COX10: variants seen among roughly 807,000 people sequenced by gnomAD.
The protein encoded by COX10 is protoheme IX farnesyltransferase, mitochondrial.
In COX10, 27 loss-of-function variants were observed where a neutral mutation model predicts 37.3. That is an observed-to-expected ratio of 0.72 (90% CI 0.53 to 1.00). The LOEUF (loss-of-function observed/expected upper bound fraction) is 1.00. Ranked by LOEUF, COX10 falls within the 50% of genes least tolerant of loss-of-function variation. COX10 has a pLI of 0.00. For missense variants in COX10, 475 were observed against 563.2 expected (o/e 0.84, Z 1.59); for synonymous variants, 222 against 229.1 (o/e 0.97, Z 0.28).
At chr17:14,112,106 GAA>G (rs1475195748) in intron 4 of COX10, among the ~76,000 whole-genome samples, 1 of 152,062 alleles carries the variant, frequency 6.6e-6, no homozygotes, top group African/African-American at 2.4e-5. Flanking sequence ...TCCACAAGAG[GAA>G]AAATAGTTTA....
chr17:14,184,837 C>T (rs1179963126), intron 5 of COX10, among the ~76,000 whole-genome samples: 1 of 150,876 alleles, frequency 6.6e-6, no homozygotes, highest in Non-Finnish European at 1.5e-5. Context: ...GGACCAGCAT[C>T]ACATTGGTAA....
At chr17:14,161,535 C>G (rs577520575) in intron 5 of COX10, among the ~76,000 whole-genome samples, 4 of 152,116 alleles carry the variant, frequency 2.6e-5, no homozygotes, top group Non-Finnish European at 5.9e-5. Flanking sequence ...TTGGGTGTGT[C>G]TGTGAGGGTG....
chr17:14,112,828 C>T (rs1327629788), intron 4 of COX10, among the ~76,000 whole-genome samples: 1 of 152,106 alleles, frequency 6.6e-6, no homozygotes, highest in East Asian at 1.9e-4. Flanking sequence ...ATTTGGGGAA[C>T]TACAAACATT....
At chr17:14,088,173 C>T (rs1277570703) in intron 3 of COX10, among the ~76,000 whole-genome samples, 2 of 152,074 alleles carry the variant, frequency 1.3e-5, no homozygotes, top group African/African-American at 4.8e-5. Flanking sequence ...CATATTTATC[C>T]ATTCCTTATT....
At chr17:14,158,021 T>C (rs1232761759) in intron 4 of COX10, among the ~76,000 whole-genome samples, 1 of 152,114 alleles carries the variant, frequency 6.6e-6, no homozygotes, top group Non-Finnish European at 1.5e-5. Flanking sequence ...TACCTGACCA[T>C]TGGTTAAATG....
chr17:14,081,446 C>T (rs770615833), intron 3 of COX10, among the ~76,000 whole-genome samples: 13 of 152,182 alleles, frequency 8.5e-5, no homozygotes, highest in East Asian at 1.9e-4. Context: ...GCTGAGAGCG[C>T]GGAGCTGCAG....
At chr17:14,070,201 AG>A (rs1209605831) in intron 1 of COX10, among the ~76,000 whole-genome samples, 1 of 152,160 alleles carries the variant, frequency 6.6e-6, no homozygotes, top group Non-Finnish European at 1.5e-5. Context: ...TGTATATTGG[AG>A]CTGGAATGTT....
chr17:14,162,978 C>A (rs918240163), intron 5 of COX10, among the ~76,000 whole-genome samples: 1 of 152,188 alleles, frequency 6.6e-6, no homozygotes, highest in Non-Finnish European at 1.5e-5. Flanking sequence ...ACATCATTTG[C>A]CTGCATTGGC....
rs531796704 is a variant in COX10 at position 14,105,806 on chromosome 17, T to C, written c.624+3564T>C. On this transcript the variant is annotated intron_variant, in intron 4 of 6. Coordinates refer to ENST00000261643, the MANE Select transcript of COX10 (RefSeq NM_001303.4). ...TAGTGCCTATATCTCACCACCCAAA[T>C]AGATCCATTTGTTAACATTTTGATT... Among the ~76,000 whole-genome samples the C allele has an allele frequency of 5.3e-5, 8 of 152,220 alleles. No individual in the cohort carries two copies. The East Asian group carries it at 1.5e-3, about 29-fold the overall frequency.
intron 5 of COX10, among the ~76,000 whole-genome samples, chr17:14,160,878 A>G (rs1404420307): frequency 6.6e-6 from 1 of 152,192 alleles, no homozygotes; most frequent in Non-Finnish European, 1.5e-5. Flanking sequence ...ACAAAGGTAT[A>G]TGGTGTGTTT....
chr17:14,206,462 G>T (rs1199326294), intron 6 of COX10, among the ~76,000 whole-genome samples: 1 of 152,088 alleles, frequency 6.6e-6, no homozygotes, highest in Non-Finnish European at 1.5e-5. Flanking sequence ...AATGTGGGGA[G>T]GTGTGAGGAG....
chr17:14,159,142 T>C (rs1406009423), intron 4 of COX10, among the ~76,000 whole-genome samples: 1 of 152,170 alleles, frequency 6.6e-6, no homozygotes, highest in Admixed American at 6.5e-5. Flanking sequence ...GAGGTTGCTG[T>C]TAATGATGCT....
chr17:14,205,404 C>T (rs942145172), intron 6 of COX10, among the ~76,000 whole-genome samples: 1 of 152,172 alleles, frequency 6.6e-6, no homozygotes, highest in Non-Finnish European at 1.5e-5. Flanking sequence ...TTCACTGCAC[C>T]ATGCACTTTT....
intron 4 of COX10, among the ~76,000 whole-genome samples, chr17:14,129,626 C>G (rs1916420686): frequency 6.6e-6 from 1 of 152,074 alleles, no homozygotes; most frequent in African/African-American, 2.4e-5. Context: ...TCATTAAGGC[C>G]CCTTGAGAAA....
chr17:14,195,671 G>A (rs751976793), intron 6 of COX10, among the ~76,000 whole-genome samples: 1 of 152,186 alleles, frequency 6.6e-6, no homozygotes, highest in Non-Finnish European at 1.5e-5. Context: ...TAAAACAGTG[G>A]TTTGCAAACT....
At chr17:14,116,857 C>A (rs916640403) in intron 4 of COX10, among the ~76,000 whole-genome samples, 1 of 152,154 alleles carries the variant, frequency 6.6e-6, no homozygotes, top group Non-Finnish European at 1.5e-5. Flanking sequence ...CCAGAGCGAT[C>A]TTCTGGAAAT....
chr17:14,182,185 T>A (rs1181556959), intron 5 of COX10: 3 of 953,460 alleles, frequency 3.1e-6, no homozygotes, highest in Non-Finnish European at 3.7e-6. Flanking sequence ...TCGCAGCTAC[T>A]CAGGAGGCTG....
At position 14,101,943 on chromosome 17, in the gene COX10, A is replaced by G. The variant is rs558805665; in HGVS notation, c.500-175A>G. Among the ~76,000 whole-genome samples, 8 of 152,330 alleles carry G rather than the reference A, an allele frequency of 5.3e-5. No homozygotes were observed. In the East Asian group the frequency reaches 1.4e-3, roughly 26 times the overall value. On this transcript the variant is annotated intron_variant, in intron 3 of 6. Transcript: ENST00000261643. ...ACATTTTTATATAATTAGTACATGT[A>G]GTTTTTATAATCAGAAAAATGTGGA...
chr17:14,175,056 G>A lies in COX10; in HGVS notation c.695+15109G>A, dbSNP rs552668790. Among the ~76,000 whole-genome samples the A allele has an allele frequency of 7.0e-4, 51 of 72,810 alleles. 2 individuals are homozygous for A. In the East Asian group the frequency reaches 0.012, roughly 18 times the overall value. The allele number at this position is 72,810 out of a possible 152,430, so 47.8% of individuals were successfully genotyped here. On this transcript the variant is annotated intron_variant, in intron 5 of 6. Transcript: ENST00000261643. ...TGGAAAGCCAAAACTAGGCACAGAA[G>A]TAAGATCAGTGGTTACTGGGAAATA...
Sources: gnomAD v4.1 joint callset for allele counts (sites outside exome capture counted in the v4.1 genomes callset) on GRCh38, gnomAD v4.1.1 for gene constraint, MANE v1.5 for transcripts, NCBI Gene and HGNC (gene_info 2026-07-23, HGNC 2026-07-21) for gene names.